LDAH: variants seen among roughly 807,000 people sequenced by gnomAD.
The protein encoded by LDAH is lipid droplet associated hydrolase, also known as lipid droplet-associated hydrolase.
LDAH carries 26 observed loss-of-function variants against 29.6 expected under a neutral mutation model. The observed-to-expected ratio is 0.88, with a 90% CI of 0.64 to 1.22. The LOEUF (loss-of-function observed/expected upper bound fraction) is 1.22. Among genes scored for constraint, LDAH ranks in the 50% most tolerant of loss-of-function variants. The pLI is 0.00. For synonymous variants in LDAH, 117 were observed against 133.0 expected, an observed-to-expected ratio of 0.88 and a Z score of 0.83; for missense variants, 344 against 387.3, an observed-to-expected ratio of 0.89 and a Z score of 0.94.
At chr2:20,821,220 G>T (rs777373324) in intron 1 of LDAH, among the ~76,000 whole-genome samples, 2 of 152,170 alleles carry the variant, frequency 1.3e-5, no homozygotes, top group Non-Finnish European at 2.9e-5. Context: ...ATTCCTCAGG[G>T]ATCTAGAACT....
intron 4 of LDAH, among the ~76,000 whole-genome samples, chr2:20,759,903 A>G (rs1357772480): frequency 5.9e-5 from 9 of 152,202 alleles, no homozygotes; most frequent in Non-Finnish European, 1.3e-4. Flanking sequence ...CTCTCATACC[A>G]CAGGGCCTCT....
chr2:20,685,661 G>C lies in LDAH; in HGVS notation c.*1242C>G. On this transcript the variant is annotated 3_prime_UTR_variant, in exon 7 of 7. Transcript: ENST00000237822. The stretch of plus-strand genomic sequence containing the variant: ...ATAATGCCATGAGGGATTTCCTCTA[G>C]GAGAAAAAGGAATATTTCTGATCCA... The C allele has an allele frequency of 6.5e-7, 1 of 1,548,540 alleles. No homozygotes were observed. Among genetic ancestry groups the C allele is most frequent in the South Asian group, 1.2e-5 (1 of 83,778 alleles).
chr2:20,690,911 A>G (rs1411004789), intron 6 of LDAH, among the ~76,000 whole-genome samples: 2 of 152,096 alleles, frequency 1.3e-5, no homozygotes, highest in Admixed American at 6.5e-5. Flanking sequence ...TACTCTAAGG[A>G]AAGTATTGTA....
chr2:20,710,865 AC>A (rs1371952584), intron 5 of LDAH, among the ~76,000 whole-genome samples: 2 of 151,660 alleles, frequency 1.3e-5, no homozygotes, highest in Admixed American at 6.6e-5. Flanking sequence ...CAAATATTTG[AC>A]CCTGTGAATA....
chr2:20,818,900 G>T (rs894089450), intron 1 of LDAH, among the ~76,000 whole-genome samples: 2 of 152,030 alleles, frequency 1.3e-5, no homozygotes, highest in African/African-American at 2.4e-5. Flanking sequence ...TGCTTGATGT[G>T]GTTGCGAGAT....
intron 4 of LDAH, among the ~76,000 whole-genome samples, chr2:20,756,051 A>G (rs1668317756): frequency 6.7e-6 from 1 of 150,344 alleles, no homozygotes; most frequent in Non-Finnish European, 1.5e-5. Flanking sequence ...TTTTTTTTTG[A>G]GACGGAGTCT....
At chr2:20,721,851 G>C (rs895567770) in intron 5 of LDAH, among the ~76,000 whole-genome samples, 2 of 152,176 alleles carry the variant, frequency 1.3e-5, no homozygotes, top group Non-Finnish European at 2.9e-5. Flanking sequence ...CATGTTTATT[G>C]CAGCACTGTT....
chr2:20,728,192 G>A (rs2149413337), intron 5 of LDAH, among the ~76,000 whole-genome samples: 1 of 152,240 alleles, frequency 6.6e-6, no homozygotes, highest in Non-Finnish European at 1.5e-5. Context: ...ATTTGTTTCC[G>A]TAAGATTTCT....
chr2:20,813,143 C>T (rs1286672029), intron 1 of LDAH, among the ~76,000 whole-genome samples: 1 of 152,042 alleles, frequency 6.6e-6, no homozygotes, highest in Non-Finnish European at 1.5e-5. Flanking sequence ...AGATATAATG[C>T]ATGCTGTGAT....
At position 20,712,977 on chromosome 2, in the gene LDAH, C is replaced by A. The variant is rs1254733869; in HGVS notation, c.704-11325G>T. 2.0e-5 allele frequency among the ~76,000 whole-genome samples: 3 copies of A among 152,154 alleles called. No individual in the cohort carries two copies. The East Asian group carries it at 5.8e-4, about 29-fold the overall frequency. On this transcript the variant is annotated intron_variant, in intron 5 of 6. Coordinates refer to ENST00000237822, the MANE Select transcript of LDAH (RefSeq NM_021925.4). ...TGGAAAACAGTCTTCAGGATATTATCCAGGAGAACTTTCCCAACCTAGCAA... is the reference window on the plus strand; with the variant it reads ...TGGAAAACAGTCTTCAGGATATTATACAGGAGAACTTTCCCAACCTAGCAA...
intron 4 of LDAH, among the ~76,000 whole-genome samples, chr2:20,767,837 AT>A (rs1669146539): frequency 6.6e-6 from 1 of 152,170 alleles, no homozygotes; most frequent in Non-Finnish European, 1.5e-5. Context: ...CAGAGAGACA[AT>A]GGGATGACCT....
At chr2:20,800,198 AG>A (rs1289857362) in intron 2 of LDAH, among the ~76,000 whole-genome samples, 1 of 152,268 alleles carries the variant, frequency 6.6e-6, no homozygotes. Context: ...GGAGTAGGAA[AG>A]CCCTCTCTAA....
intron 4 of LDAH, among the ~76,000 whole-genome samples, chr2:20,741,472 T>C (rs1667171454): frequency 6.6e-6 from 1 of 152,236 alleles, no homozygotes; most frequent in Non-Finnish European, 1.5e-5. Flanking sequence ...ATTCATTTTC[T>C]TGCACATGGA....
chr2:20,761,617 T>C (rs1365404598), intron 4 of LDAH, among the ~76,000 whole-genome samples: 1 of 152,162 alleles, frequency 6.6e-6, no homozygotes, highest in African/African-American at 2.4e-5. Flanking sequence ...GTAGGATAAC[T>C]TGAGCCCTAA....
At chr2:20,753,432 A>T (rs554273094) in intron 4 of LDAH, among the ~76,000 whole-genome samples, 1 of 152,204 alleles carries the variant, frequency 6.6e-6, no homozygotes, top group Admixed American at 6.5e-5. Context: ...GGCTGATGGG[A>T]TACATTTTCA....
At chr2:20,683,516 T>C (rs1244090035), downstream of LDAH, among the ~76,000 whole-genome samples, 1 of 152,228 alleles carries the variant, frequency 6.6e-6, no homozygotes, top group African/African-American at 2.4e-5. Context: ...ATCTAAGAAA[T>C]GCTTTGCTTC....
intron 6 of LDAH, among the ~76,000 whole-genome samples, chr2:20,700,005 G>T (rs549630993): frequency 2.0e-5 from 3 of 152,300 alleles, no homozygotes; most frequent in African/African-American, 7.2e-5. Context: ...GGGTCTAGTT[G>T]TTCAGCAAGT....
At chr2:20,689,189 T>C (rs749094487) in intron 6 of LDAH, among the ~76,000 whole-genome samples, 8 of 152,074 alleles carry the variant, frequency 5.3e-5, no homozygotes, top group Non-Finnish European at 8.8e-5. Flanking sequence ...TATGACTGCA[T>C]AGTATTCCAG....
intron 3 of LDAH, chr2:20,789,262 G>T (rs755469125): frequency 6.4e-7 from 1 of 1,550,540 alleles, no homozygotes; most frequent in South Asian, 1.2e-5. Flanking sequence ...ATCAGATGGG[G>T]TCATGAGGGT....
Sources: allele counts gnomAD v4.1 joint callset (sites outside exome capture counted in the v4.1 genomes callset), GRCh38; gene constraint gnomAD v4.1.1; transcripts MANE v1.5; gene names NCBI Gene and HGNC (gene_info 2026-07-23, HGNC 2026-07-21).